KHDRBS3: variants seen among roughly 807,000 people sequenced by gnomAD.
The protein encoded by KHDRBS3 is KH RNA binding domain containing, signal transduction associated 3.
In KHDRBS3, 23 loss-of-function variants were observed where a neutral mutation model predicts 45.6. That is an observed-to-expected ratio of 0.50 (90% CI 0.36 to 0.72). KHDRBS3 has a LOEUF of 0.72. Ranked by LOEUF, KHDRBS3 falls within the 30% of genes least tolerant of loss-of-function variation. The probability of loss-of-function intolerance (pLI) is 0.00; values close to 1 mark genes in which losing one functional copy is unlikely to be tolerated. For synonymous variants in KHDRBS3, 162 were observed against 156.5 expected, an observed-to-expected ratio of 1.04 and a Z score of -0.26; for missense variants, 352 against 424.8, an observed-to-expected ratio of 0.83 and a Z score of 1.51.
intron 5 of KHDRBS3, among the ~76,000 whole-genome samples, chr8:135,559,896 G>A (rs1385066975): frequency 2.0e-5 from 3 of 152,012 alleles, no homozygotes; most frequent in Non-Finnish European, 4.4e-5. Flanking sequence ...CCCAAAAAGT[G>A]AACAGAAAAT....
Position 135,532,988 on chromosome 8 carries a change from AT to A in KHDRBS3, c.208-9657del, listed in dbSNP as rs946037231. Among the ~76,000 whole-genome samples, 12 of 151,688 alleles carry A rather than the reference AT, an allele frequency of 7.9e-5. No homozygotes were observed. The South Asian group carries it at 8.3e-4, about 11-fold the overall frequency. On this transcript the variant is annotated intron_variant, in intron 2 of 8. Transcript: ENST00000355849. ...GAATGTAAAACGGAGGATATAAAGA[AT>A]TTTTTTTTGAATGTTTAGATACAGT... is the stretch of plus-strand genomic sequence containing the variant.
intron 1 of KHDRBS3, among the ~76,000 whole-genome samples, chr8:135,514,233 A>G (rs1824450029): frequency 6.6e-6 from 1 of 152,152 alleles, no homozygotes; most frequent in African/African-American, 2.4e-5. Flanking sequence ...TTCACATCTC[A>G]CTTCAGGAAA....
rs1163579548 is a variant in KHDRBS3 at position 135,536,283 on chromosome 8, T to G, written c.208-6371T>G. ...TTTTTATTATTGTTTAAAAGGTGGA[T>G]GTGACGTTCCTTCCAACTCTGTACT... is the stretch of plus-strand genomic sequence containing the variant. On this transcript the variant is annotated intron_variant, in intron 2 of 8. Transcript: ENST00000355849. Among the ~76,000 whole-genome samples, 3 of 144,318 alleles carry G rather than the reference T, an allele frequency of 2.1e-5. No individual in the cohort carries two copies. The Admixed American group carries it at 2.2e-4, about 11-fold the overall frequency. 94.7% of individuals were successfully genotyped at this position (144,318 alleles called of 152,430 possible).
intron 6 of KHDRBS3, among the ~76,000 whole-genome samples, chr8:135,583,016 T>G (rs576100289): frequency 3.6e-4 from 55 of 152,350 alleles, no homozygotes; most frequent in African/African-American, 1.3e-3. Context: ...TTCCAGACCT[T>G]TGCTTATACT....
intron 7 of KHDRBS3, among the ~76,000 whole-genome samples, chr8:135,636,527 A>G (rs1368055281): frequency 6.6e-6 from 1 of 152,214 alleles, no homozygotes; most frequent in African/African-American, 2.4e-5. Context: ...TGAAACCCTG[A>G]AAGAGTTCGT....
chr8:135,568,607 A>G (rs1005964452), intron 5 of KHDRBS3, among the ~76,000 whole-genome samples: 25 of 152,216 alleles, frequency 1.6e-4, no homozygotes, highest in African/African-American at 6.0e-4. Context: ...AGCTAAGAGA[A>G]TAAACACGGA....
intron 1 of KHDRBS3, among the ~76,000 whole-genome samples, chr8:135,487,790 G>A (rs1425562899): frequency 6.6e-6 from 1 of 152,144 alleles, no homozygotes; most frequent in African/African-American, 2.4e-5. Context: ...GAGAGAGGAT[G>A]AGCGAGAACG....
At chr8:135,572,797 T>C (rs1827767561) in intron 5 of KHDRBS3, among the ~76,000 whole-genome samples, 1 of 152,264 alleles carries the variant, frequency 6.6e-6, no homozygotes, top group Non-Finnish European at 1.5e-5. Context: ...CTTCATCAGC[T>C]CTGACAGTTT....
intron 1 of KHDRBS3, among the ~76,000 whole-genome samples, chr8:135,462,422 G>A (rs1821477913): frequency 6.6e-6 from 1 of 152,070 alleles, no homozygotes; most frequent in Non-Finnish European, 1.5e-5. Flanking sequence ...GGTCCCAGGG[G>A]TAGGGAGGAA....
At position 135,603,153 on chromosome 8, in the gene KHDRBS3, G is replaced by A. The variant is rs552584659; in HGVS notation, c.808-3802G>A. Among the ~76,000 whole-genome samples the A allele has an allele frequency of 5.9e-5, 9 of 152,222 alleles. No individual in the cohort carries two copies. In the East Asian group the frequency reaches 1.5e-3, roughly 26 times the overall value. ...CACCTCAGTGCTTACCCTTGACATG[G>A]CAATTGACTTGTAGAATTATAGTTG... On this transcript the variant is annotated intron_variant, in intron 6 of 8. Coordinates refer to ENST00000355849, the MANE Select transcript of KHDRBS3 (RefSeq NM_006558.3).
intron 7 of KHDRBS3, among the ~76,000 whole-genome samples, chr8:135,619,462 A>T (rs1475317187): frequency 6.6e-6 from 1 of 152,226 alleles, no homozygotes; most frequent in East Asian, 1.9e-4. Flanking sequence ...TAATATAATT[A>T]AAACAGTGTC....
intron 1 of KHDRBS3, among the ~76,000 whole-genome samples, chr8:135,506,626 A>G (rs1824009748): frequency 6.6e-6 from 1 of 151,046 alleles, no homozygotes; most frequent in African/African-American, 2.4e-5. Context: ...CTGGTCTCCA[A>G]CTCCTGACCT....
At chr8:135,574,029 A>C (rs1827832933) in intron 5 of KHDRBS3, among the ~76,000 whole-genome samples, 1 of 152,140 alleles carries the variant, frequency 6.6e-6, no homozygotes, top group South Asian at 2.1e-4. Flanking sequence ...TCAAGTTCTC[A>C]CTAATAGATG....
At chr8:135,623,957 A>C (rs1453712476) in intron 7 of KHDRBS3, among the ~76,000 whole-genome samples, 2 of 152,238 alleles carry the variant, frequency 1.3e-5, no homozygotes, top group African/African-American at 4.8e-5. Flanking sequence ...AGAGTCCTGC[A>C]AATGAGGGAG....
chr8:135,606,813 C>A, intron 6 of KHDRBS3, 142 bp from the exon 7 acceptor site: 1 of 509,000 alleles, frequency 2.0e-6, no homozygotes, highest in Non-Finnish European at 3.4e-6. Flanking sequence ...TCACCATTTT[C>A]ACTCCTATAT....
chr8:135,560,568 G>A (rs543233903), intron 5 of KHDRBS3, among the ~76,000 whole-genome samples: 5 of 151,990 alleles, frequency 3.3e-5, no homozygotes, highest in South Asian at 2.1e-4. Flanking sequence ...TTCAGTTGTC[G>A]GTTTCTAAAT....
chr8:135,563,731 G>A (rs1229243048), intron 5 of KHDRBS3, among the ~76,000 whole-genome samples: 3 of 152,174 alleles, frequency 2.0e-5, no homozygotes, highest in Non-Finnish European at 2.9e-5. Context: ...ACAGGACTGG[G>A]TATGTGAAGG....
At chr8:135,459,904 T>C (rs1785066290) in intron 1 of KHDRBS3, among the ~76,000 whole-genome samples, 1 of 152,220 alleles carries the variant, frequency 6.6e-6, no homozygotes, top group African/African-American at 2.4e-5. Flanking sequence ...TTCATAGAAG[T>C]AATTCTTATA....
chr8:135,495,704 G>A (rs943505370), intron 1 of KHDRBS3, among the ~76,000 whole-genome samples: 2 of 152,142 alleles, frequency 1.3e-5, no homozygotes, highest in Non-Finnish European at 2.9e-5. Context: ...CTAAAGGTTA[G>A]GGGCTTATTT....
Sources: allele counts gnomAD v4.1 joint callset (sites outside exome capture counted in the v4.1 genomes callset), GRCh38; gene constraint gnomAD v4.1.1; transcripts MANE v1.5; gene names NCBI Gene and HGNC (gene_info 2026-07-23, HGNC 2026-07-21).